DBH: variants seen among roughly 807,000 people sequenced by gnomAD.
DBH encodes dopamine beta-hydroxylase, also known as dopamine beta-hydroxylase (dopamine beta-monooxygenase).
A neutral mutation model predicts 64.0 loss-of-function variants in DBH; 49 were observed. The observed-to-expected ratio is 0.77, with a 90% confidence interval of 0.61 to 0.97. The LOEUF is 0.97. DBH is among the 50% of genes least tolerant of loss of function. The pLI, the probability that DBH is intolerant of heterozygous loss-of-function variation, is 0.00. For missense variants in DBH, 828 were observed against 826.6 expected, an observed-to-expected ratio of 1.00 and a Z score of -0.02; for synonymous variants, 343 against 347.1, an observed-to-expected ratio of 0.99 and a Z score of 0.13.
At chr9:133,644,464 T>C in intron 5 of DBH, 144 bp downstream of exon 5, 2 of 744,582 alleles carry the variant, frequency 2.7e-6, no homozygotes, top group Non-Finnish European at 2.4e-6. Context: ...GTCTGCCTCA[T>C]CCGCTGTCCA....
In DBH at chr9:133,647,877, C is replaced by T; in HGVS notation, c.1056C>T (p.Tyr352=). 1.9e-6 allele frequency: 3 copies of T among 1,614,244 alleles called. No homozygotes were observed. Among genetic ancestry groups the T allele is most frequent in the Non-Finnish European group, 1.7e-6 (2 of 1,180,036 alleles). ...ACGACTCCTCAGGCATCCGCTTGTA[C>T]TACACAGCCAAGCTGCGGCGCTTCA... The part of the protein sequence containing the change: ...GRNDSSGIRL[Y]YTAKLRRFNA... The change falls in exon 6 of 12, where the codon TAC becomes TAT. Residue 352 remains tyrosine, a synonymous_variant. Coordinates refer to ENST00000393056, the MANE Select transcript of DBH (RefSeq NM_000787.4).
intron 1 of DBH, among the ~76,000 whole-genome samples, chr9:133,638,868 C>T (rs542237620): frequency 1.8e-4 from 27 of 152,282 alleles, no homozygotes; most frequent in African/African-American, 6.5e-4. Context: ...CAGTGGGTCT[C>T]CCTGGTGGTC....
At chr9:133,644,577 C>T (rs937640587) in intron 5 of DBH, among the ~76,000 whole-genome samples, 8 of 152,254 alleles carry the variant, frequency 5.3e-5, no homozygotes, top group African/African-American at 1.9e-4. Context: ...CCTCCTCGTC[C>T]CTATAATACG....
At position 133,644,514 on chromosome 9, in the gene DBH, G is replaced by A. The variant is rs897886213; in HGVS notation, c.1024+194G>A. 2.0e-5 allele frequency among the ~76,000 whole-genome samples: 3 copies of A among 152,224 alleles called. No homozygotes were observed. In the East Asian group the frequency reaches 5.8e-4, roughly 29 times the overall value. On this transcript the variant is annotated intron_variant, in intron 5 of 11. Transcript: ENST00000393056. ...GGTGGGCTCCCAGGGACAGGACCTC[G>A]AGGGGCTCACTCCTCACAGCTTCGC...
chr9:133,644,508 G>C (rs888295064), intron 5 of DBH, among the ~76,000 whole-genome samples, 188 bp downstream of exon 5: 1 of 152,242 alleles, frequency 6.6e-6, no homozygotes, highest in Non-Finnish European at 1.5e-5. Context: ...CCAGGGACAG[G>C]ACCTCGAGGG....
At chr9:133,657,890 A>G (rs1389503530) in intron 11 of DBH, among the ~76,000 whole-genome samples, 2 of 152,198 alleles carry the variant, frequency 1.3e-5, no homozygotes, top group Non-Finnish European at 2.9e-5. Flanking sequence ...AAACATCCTC[A>G]GCACCAAGGG....
intron 5 of DBH, 57 bp downstream of exon 5, chr9:133,644,377 C>A: frequency 7.0e-7 from 1 of 1,435,918 alleles, no homozygotes; most frequent in Non-Finnish European, 9.8e-7. Flanking sequence ...TGTGTTGAGC[C>A]AGTGAGCAAA....
rs950324814 is a variant in DBH, at chr9:133,657,083, G to A, written c.1576G>A (p.Asp526Asn). ...FHLINRFNNE[D>N]VCTCPQASVS... ...TGTCCCCACCAGGTTCAACAACGAG[G>A]ATGTCTGCACCTGCCCTCAGGCGTC... Residue 526 changes from aspartate (D) to asparagine (N), a missense_variant, in exon 11 of 12, where the codon GAT becomes AAT. Transcript: ENST00000393056. The A allele has an allele frequency of 1.2e-6, 2 of 1,613,808 alleles. No homozygotes were observed. The highest frequency in any genetic ancestry group is 1.3e-5 in the African/African-American group (1 of 74,924).
intron 5 of DBH, among the ~76,000 whole-genome samples, chr9:133,646,819 C>T (rs937155515): frequency 6.6e-6 from 1 of 152,202 alleles, no homozygotes; most frequent in Non-Finnish European, 1.5e-5. Flanking sequence ...GCCACCGTGC[C>T]CGGCCCCCTG....
At chr9:133,654,805 T>A (rs1005696855) in intron 9 of DBH, 18 of 152,338 alleles carry the variant, frequency 1.2e-4, no homozygotes, top group African/African-American at 3.6e-4. Flanking sequence ...TGGGTGCAGG[T>A]GCCAACCCCG....
chr9:133,639,628 C>T (rs575442853), intron 1 of DBH, among the ~76,000 whole-genome samples: 4 of 152,284 alleles, frequency 2.6e-5, no homozygotes, highest in South Asian at 4.1e-4. Context: ...ACTCCACTGT[C>T]GGGGCTCATC....
Position 133,653,808 on chromosome 9 carries a change from C to T in DBH, c.1434+809C>T, listed in dbSNP as rs115813191. ...ATGCATCACGCAGCGGGGCTGCTTC[C>T]GGGAGCCAAAGGGGATGCTGTTCAC... On this transcript the variant is annotated intron_variant, in intron 9 of 11. Transcript: ENST00000393056. 9.8e-3 allele frequency among the ~76,000 whole-genome samples: 1,493 copies of T among 152,312 alleles called. 33 individuals are homozygous for T. Among genetic ancestry groups the T allele is most frequent in the African/African-American group, 0.034 (1,421 of 41,558 alleles).
chr9:133,657,606 G>A lies in DBH; in HGVS notation c.1722+377G>A, dbSNP rs1302902339. Among the ~76,000 whole-genome samples the A allele has an allele frequency of 3.3e-5, 5 of 152,304 alleles. No individual in the cohort carries two copies. The Middle Eastern group carries it at 0.01, about 311-fold the overall frequency. ...CTCCACACTGTACCGAATGCCAAAT[G>A]CAGGTGGTGTGAGCAGGGCGCACTA... is the stretch of plus-strand genomic sequence containing the variant. On this transcript the variant is annotated intron_variant, in intron 11 of 11. Transcript: ENST00000393056.
chr9:133,648,045 C>T, intron 6 of DBH, 33 bp downstream of exon 6: 1 of 1,592,850 alleles, frequency 6.3e-7, no homozygotes. Context: ...CTGCACCCTC[C>T]CTCCTCCCGC....
intron 5 of DBH, among the ~76,000 whole-genome samples, chr9:133,646,669 G>A (rs1832185617): frequency 6.9e-6 from 1 of 144,800 alleles, no homozygotes; most frequent in African/African-American, 2.7e-5. Context: ...GATTATAGGT[G>A]CGTGCCACCA....
At position 133,643,361 on chromosome 9, in the gene DBH, G is replaced by C. The variant is rs569389317; in HGVS notation, c.745-52G>C. 108 of 1,596,420 alleles carry C rather than the reference G, an allele frequency of 6.8e-5. No homozygotes were observed. The African/African-American group carries it at 1.4e-3, about 20-fold the overall frequency. On this transcript the variant is annotated intron_variant, in intron 3 of 11. Coordinates refer to ENST00000393056, the MANE Select transcript of DBH (RefSeq NM_000787.4). The surrounding 1 kb of genome is among the most constrained non-coding windows in gnomAD (Gnocchi z 5.3). ...AAGCCCATGGAGGAGGGCTGCTGGG[G>C]AGGGGAGGGTGGGCGGCCGGTTCCC...
chr9:133,656,971 C>A, intron 10 of DBH, 99 bp from the exon 11 acceptor site: 1 of 1,397,810 alleles, frequency 7.2e-7, no homozygotes, highest in Non-Finnish European at 1.0e-6. Flanking sequence ...ACGGTTGCCC[C>A]AGGGACAGGA....
rs1108580 is a variant in DBH, at chr9:133,639,992, A to G, written c.486A>G (p.Glu162=). 832,771 of 1,612,950 alleles carry G rather than the reference A, an allele frequency of 0.52. 223,425 individuals carry two copies. The highest frequency in any genetic ancestry group is 0.67 in the African/African-American group (50,166 of 74,974). The change falls in exon 2 of 12, where the codon GAA becomes GAG. Residue 162 remains glutamate, a splice_region_variant and synonymous_variant. Transcript: ENST00000393056. ...GCGACCCCAAGGATTACCTCATTGA[A>G]GTAAGGGGTGGCCGCGAGTACCCAG... ...GTCDPKDYLI[E]DGTVHLVYGI...
At position 133,643,609 on chromosome 9, in the gene DBH, A is replaced by G; in HGVS notation, c.921+20A>G. The G allele has an allele frequency of 6.2e-7, 1 of 1,612,604 alleles. No individual in the cohort carries two copies. The highest frequency in any genetic ancestry group is 2.2e-5 in the East Asian group (1 of 44,834). On this transcript the variant is annotated intron_variant, in intron 4 of 11. Coordinates refer to ENST00000393056, the MANE Select transcript of DBH (RefSeq NM_000787.4). The surrounding 1 kb of genome is among the most constrained non-coding windows in gnomAD (Gnocchi z 5.3). ...GCCAAGGTGCGTGCCCTGCGACCCC[A>G]GCATGGTGTCTCCTGCCTGGGCCCC...
Sources: allele counts gnomAD v4.1 joint callset (sites outside exome capture counted in the v4.1 genomes callset), GRCh38; gene constraint gnomAD v4.1.1; non-coding constraint Gnocchi (gnomAD v3.1); transcripts MANE v1.5; gene names NCBI Gene and HGNC (gene_info 2026-07-23, HGNC 2026-07-21).